ZEB1: variants seen among roughly 807,000 people sequenced by gnomAD.
The protein encoded by ZEB1 is zinc finger E-box binding homeobox 1, also known as zinc finger E-box-binding homeobox 1.
A neutral mutation model predicts 84.9 loss-of-function variants in ZEB1; 21 were observed. The ratio of observed to expected loss-of-function variants is 0.25; its 90% CI spans 0.18 to 0.36. The LOEUF is 0.36. Among genes scored for constraint, ZEB1 ranks in the 10% least tolerant of loss-of-function variants. The pLI is 1.00. For missense variants in ZEB1, 1,104 were observed against 1,330.2 expected (o/e 0.83, Z 2.65); for synonymous variants, 420 against 471.1 (o/e 0.89, Z 1.41).
chr10:31,495,087 G>A (rs1456614138), intron 2 of ZEB1, among the ~76,000 whole-genome samples: 1 of 152,034 alleles, frequency 6.6e-6, no homozygotes, highest in East Asian at 1.9e-4. Context: ...GTGATGGAAA[G>A]TGGGCTTTGG....
chr10:31,451,720 C>T (rs1373401851), intron 1 of ZEB1, among the ~76,000 whole-genome samples: 1 of 152,122 alleles, frequency 6.6e-6, no homozygotes, highest in Admixed American at 6.6e-5. Flanking sequence ...GTTGTACGAA[C>T]ACTGGCTGAA....
chr10:31,449,590 A>G (rs1354637408), intron 1 of ZEB1, among the ~76,000 whole-genome samples: 3 of 152,076 alleles, frequency 2.0e-5, no homozygotes, highest in African/African-American at 7.2e-5. Context: ...TTTTCCCCCC[A>G]CTAATTTGCA....
chr10:31,506,382 T>C (rs1289927475), intron 4 of ZEB1, among the ~76,000 whole-genome samples: 1 of 152,090 alleles, frequency 6.6e-6, no homozygotes, highest in Admixed American at 6.5e-5. Flanking sequence ...CTAACTATTA[T>C]TGTATTAGAA....
intron 6 of ZEB1, among the ~76,000 whole-genome samples, chr10:31,518,872 A>G (rs1592069215): frequency 6.6e-6 from 1 of 152,212 alleles, no homozygotes; most frequent in East Asian, 1.9e-4. Context: ...ATTCTTATAT[A>G]TGATTCTTCA....
chr10:31,474,476 G>A (rs2063770047), intron 2 of ZEB1, among the ~76,000 whole-genome samples: 1 of 152,144 alleles, frequency 6.6e-6, no homozygotes, highest in Non-Finnish European at 1.5e-5. Context: ...ATCATCACTG[G>A]CCATCAGAGA....
chr10:31,418,708 T>C (rs1472453566), intron 1 of ZEB1, among the ~76,000 whole-genome samples: 1 of 152,092 alleles, frequency 6.6e-6, no homozygotes, highest in Non-Finnish European at 1.5e-5. Flanking sequence ...ACTGGGGCTT[T>C]GTGTTCTGAC....
intron 1 of ZEB1, among the ~76,000 whole-genome samples, chr10:31,444,571 A>G (rs1472984968): frequency 1.3e-5 from 2 of 151,362 alleles, no homozygotes; most frequent in East Asian, 3.9e-4. Flanking sequence ...TCTTTAATCC[A>G]TCTTGAATTG....
At chr10:31,438,025 C>T (rs1195294850) in intron 1 of ZEB1, among the ~76,000 whole-genome samples, 2 of 152,162 alleles carry the variant, frequency 1.3e-5, no homozygotes, top group South Asian at 4.1e-4. Flanking sequence ...ATGCCAACTC[C>T]TGTGGTTGAA....
At chr10:31,353,130 A>C (rs2041575629) in intron 1 of ZEB1, among the ~76,000 whole-genome samples, 1 of 152,210 alleles carries the variant, frequency 6.6e-6, no homozygotes, top group African/African-American at 2.4e-5. Context: ...TAGTAGTATC[A>C]ACCTCACAGG....
chr10:31,392,997 G>C (rs2050041029), intron 1 of ZEB1, among the ~76,000 whole-genome samples: 1 of 151,968 alleles, frequency 6.6e-6, no homozygotes, highest in Non-Finnish European at 1.5e-5. Flanking sequence ...AAGATGCTGA[G>C]CTAATTTTTC....
chr10:31,324,801 G>A (rs1016479034), intron 1 of ZEB1, among the ~76,000 whole-genome samples: 1 of 151,990 alleles, frequency 6.6e-6, no homozygotes, highest in Non-Finnish European at 1.5e-5. Flanking sequence ...ACTTTTTAAA[G>A]GGTAGATGTT....
At chr10:31,407,220 T>C (rs1454717051) in intron 1 of ZEB1, among the ~76,000 whole-genome samples, 1 of 149,792 alleles carries the variant, frequency 6.7e-6, no homozygotes, top group Non-Finnish European at 1.5e-5. Flanking sequence ...GCATTAGGTA[T>C]ATCTCCCAAT....
chr10:31,378,958 C>T (rs941257226), intron 1 of ZEB1, among the ~76,000 whole-genome samples: 1 of 151,950 alleles, frequency 6.6e-6, no homozygotes, highest in Non-Finnish European at 1.5e-5. Context: ...TTAAGAGGAG[C>T]GTATAAATCT....
intron 8 of ZEB1, among the ~76,000 whole-genome samples, chr10:31,525,421 G>A (rs775678793): frequency 1.3e-5 from 2 of 152,170 alleles, no homozygotes; most frequent in Non-Finnish European, 2.9e-5. Flanking sequence ...CTCCCATCAT[G>A]GTGGATTTCG....
At chr10:31,524,273 C>T (rs965899916) in intron 8 of ZEB1, among the ~76,000 whole-genome samples, 160 bp downstream of exon 8, 8 of 151,340 alleles carry the variant, frequency 5.3e-5, no homozygotes, top group African/African-American at 1.2e-4. Context: ...TGCAGTGGCA[C>T]GCAATCTCAA....
chr10:31,329,549 TAA>T (rs763121623), intron 1 of ZEB1, among the ~76,000 whole-genome samples: 3 of 152,272 alleles, frequency 2.0e-5, no homozygotes, highest in East Asian at 1.9e-4. Flanking sequence ...AGTCAATACT[TAA>T]GAGTACAGTT....
At chr10:31,476,602 T>C (rs1284329288) in intron 2 of ZEB1, among the ~76,000 whole-genome samples, 1 of 151,980 alleles carries the variant, frequency 6.6e-6, no homozygotes, top group Non-Finnish European at 1.5e-5. Context: ...GATACCTCCC[T>C]AACTCTTTCT....
chr10:31,452,932 A>T (rs549696505), intron 1 of ZEB1, among the ~76,000 whole-genome samples: 1 of 152,254 alleles, frequency 6.6e-6, no homozygotes, highest in East Asian at 1.9e-4. Flanking sequence ...TAATATGAGT[A>T]CAGTCTGTTG....
intron 1 of ZEB1, among the ~76,000 whole-genome samples, chr10:31,441,963 C>G (rs911806719): frequency 9.3e-4 from 142 of 152,278 alleles, no homozygotes; most frequent in Middle Eastern, 3.4e-3. Flanking sequence ...GTTGGTGGGA[C>G]TGTAAACTAG....
Sources: allele counts gnomAD v4.1 joint callset (sites outside exome capture counted in the v4.1 genomes callset), GRCh38; gene constraint gnomAD v4.1.1; transcripts MANE v1.5; gene names NCBI Gene and HGNC (gene_info 2026-07-23, HGNC 2026-07-21).